LARGE1: variants seen among roughly 807,000 people sequenced by gnomAD.
LARGE1 encodes the protein LARGE xylosyl- and glucuronyltransferase 1, also known as xylosyl- and glucuronyltransferase LARGE1.
A neutral mutation model predicts 87.6 loss-of-function variants in LARGE1; 43 were observed. The ratio of observed to expected loss-of-function variants is 0.49; its 90% CI spans 0.38 to 0.63. The LOEUF is 0.63. LARGE1 is among the 30% of genes least tolerant of loss of function. The pLI is 0.00. For synonymous variants in LARGE1, 434 were observed against 394.6 expected (o/e 1.10, Z -1.18); for missense variants, 802 against 1,000.2 (o/e 0.80, Z 2.67).
intron 2 of LARGE1, among the ~76,000 whole-genome samples, chr22:33,744,960 A>T (rs561326786): frequency 3.9e-5 from 6 of 152,168 alleles, no homozygotes; most frequent in Non-Finnish European, 5.9e-5. Flanking sequence ...TCCCTGGGTG[A>T]TGTGTCATGA....
intron 1 of LARGE1, among the ~76,000 whole-genome samples, chr22:33,867,902 T>C (rs894390725): frequency 6.6e-6 from 1 of 152,128 alleles, no homozygotes; most frequent in African/African-American, 2.4e-5. Context: ...GCAGCTCAAG[T>C]ACCAGTTCGG....
chr22:33,476,896 G>C (rs1455976311), intron 6 of LARGE1, among the ~76,000 whole-genome samples: 2 of 152,160 alleles, frequency 1.3e-5, no homozygotes, highest in East Asian at 3.9e-4. Flanking sequence ...CAGCTTCGGT[G>C]ACATGACTCG....
chr22:33,267,749 T>A (rs577368103), downstream of LARGE1, among the ~76,000 whole-genome samples: 24 of 151,622 alleles, frequency 1.6e-4, 1 homozygote, highest in African/African-American at 5.6e-4. Context: ...GGTGCTGGAA[T>A]CAGTAGGGTG....
At chr22:33,539,145 G>A (rs144468808) in intron 6 of LARGE1, among the ~76,000 whole-genome samples, 1 of 152,012 alleles carries the variant, frequency 6.6e-6, no homozygotes, top group South Asian at 2.1e-4. Context: ...CTTTTGGATT[G>A]TGATGAAAAA....
At chr22:33,681,210 T>C (rs2267260) in intron 2 of LARGE1, among the ~76,000 whole-genome samples, 73,869 of 152,038 alleles carry the variant, frequency 0.49, 19,077 homozygotes, top group African/African-American at 0.67. Context: ...TAGCTGGGGC[T>C]GTATTGCTCT....
At chr22:33,149,657 G>A in the LARGE1 span, among the ~76,000 whole-genome samples, 2 of 152,144 alleles carry the variant, frequency 1.3e-5, no homozygotes, top group African/African-American at 2.4e-5. Flanking sequence ...CTTTCATAAA[G>A]CTGAAATCAA....
chr22:33,185,228 A>G (rs1407314392), intron 11 of LARGE1, among the ~76,000 whole-genome samples: 11 of 152,222 alleles, frequency 7.2e-5, no homozygotes, highest in African/African-American at 2.4e-4. Context: ...AGTGACAAAG[A>G]TATAAGCTAT....
chr22:33,563,418 T>G (rs2077921072), intron 6 of LARGE1, among the ~76,000 whole-genome samples: 1 of 152,182 alleles, frequency 6.6e-6, no homozygotes, highest in Admixed American at 6.5e-5. Context: ...CCAGTAGGGA[T>G]TCGATAAACG....
chr22:33,193,221 T>C (rs750339307), intron 11 of LARGE1, among the ~76,000 whole-genome samples: 2 of 152,122 alleles, frequency 1.3e-5, no homozygotes, highest in Non-Finnish European at 2.9e-5. Flanking sequence ...TTTCTGGATA[T>C]TTTAACCTAA....
In LARGE1 at chr22:33,353,466, A is replaced by C. The variant is rs75483580; in HGVS notation, c.1132-15665T>G. 8.1e-3 allele frequency among the ~76,000 whole-genome samples: 1,231 copies of C among 152,106 alleles called. 20 individuals carry two copies. The highest frequency in any genetic ancestry group is 0.028 in the African/African-American group (1,169 of 41,494). On this transcript the variant is annotated intron_variant, in intron 9 of 14. Coordinates refer to ENST00000397394, the MANE Select transcript of LARGE1 (RefSeq NM_133642.5). ...ACAAAGATAATATGGTAACAAAATG[A>C]AGTAAGTTCCTTTGTCAGCAAATAT...
At chr22:33,896,649 A>C (rs999272471) in intron 1 of LARGE1, among the ~76,000 whole-genome samples, 1 of 152,154 alleles carries the variant, frequency 6.6e-6, no homozygotes, top group Non-Finnish European at 1.5e-5. Context: ...TAGAATGTTC[A>C]AACTTCACAG....
intron 9 of LARGE1, among the ~76,000 whole-genome samples, chr22:33,371,029 T>C (rs555688901): frequency 1.3e-5 from 2 of 150,814 alleles, no homozygotes; most frequent in South Asian, 2.1e-4. Flanking sequence ...ATAATATTCA[T>C]AGTATATTCA....
chr22:33,580,109 G>C (rs575671469), intron 5 of LARGE1, among the ~76,000 whole-genome samples: 2 of 151,820 alleles, frequency 1.3e-5, no homozygotes, highest in South Asian at 4.2e-4. Context: ...AGTGGCTCAC[G>C]CCTGTAATTC....
intron 1 of LARGE1, among the ~76,000 whole-genome samples, chr22:33,895,851 G>C (rs754951920): frequency 5.9e-5 from 9 of 152,182 alleles, no homozygotes; most frequent in Non-Finnish European, 1.2e-4. Flanking sequence ...CCACACAAGA[G>C]CAGATCAGGA....
At chr22:33,872,803 GC>G (rs886629043) in intron 1 of LARGE1, among the ~76,000 whole-genome samples, 9 of 152,110 alleles carry the variant, frequency 5.9e-5, no homozygotes, top group Non-Finnish European at 1.0e-4. Flanking sequence ...TTCGAGACCA[GC>G]CTGGCCAACA....
intron 7 of LARGE1, among the ~76,000 whole-genome samples, chr22:33,417,815 C>T (rs1304853572): frequency 2.0e-5 from 3 of 152,224 alleles, no homozygotes; most frequent in East Asian, 1.9e-4. Flanking sequence ...CAGCATCTAA[C>T]GACCATCTGC....
At chr22:33,756,324 G>C (rs1167404041) in intron 2 of LARGE1, among the ~76,000 whole-genome samples, 2 of 152,204 alleles carry the variant, frequency 1.3e-5, no homozygotes, top group Non-Finnish European at 2.9e-5. Context: ...GCGAGCTAAA[G>C]AGACCCGCTT....
intron 4 of LARGE1, among the ~76,000 whole-genome samples, chr22:33,619,427 C>A (rs1248393429): frequency 6.6e-6 from 1 of 151,636 alleles, no homozygotes; most frequent in Non-Finnish European, 1.5e-5. Context: ...TGGTGGCAGG[C>A]ACCTGTAATC....
chr22:33,594,560 T>TA (rs2078926971), intron 5 of LARGE1, among the ~76,000 whole-genome samples: 1 of 152,218 alleles, frequency 6.6e-6, no homozygotes, highest in Non-Finnish European at 1.5e-5. Context: ...CTTTCTTGTT[T>TA]TGATCCCAAC....
Sources: allele counts gnomAD v4.1 joint callset (sites outside exome capture counted in the v4.1 genomes callset), GRCh38; gene constraint gnomAD v4.1.1; transcripts MANE v1.5; gene names NCBI Gene and HGNC (gene_info 2026-07-23, HGNC 2026-07-21).